CD151: variants seen among roughly 807,000 people sequenced by gnomAD.
CD151 encodes the protein CD151 molecule (Raph blood group).
In CD151, 20 loss-of-function variants were observed where a neutral mutation model predicts 34.2. The ratio of observed to expected loss-of-function variants is 0.58; its 90% CI spans 0.41 to 0.85. The LOEUF (loss-of-function observed/expected upper bound fraction) is 0.85, where lower values mean the gene tolerates loss of function less well. Among genes scored for constraint, CD151 ranks in the 40% least tolerant of loss-of-function variants. The probability of loss-of-function intolerance (pLI) is 0.00; values close to 1 mark genes in which losing one functional copy is unlikely to be tolerated. For synonymous variants in CD151, 157 were observed against 131.7 expected, an observed-to-expected ratio of 1.19 and a Z score of -1.32; for missense variants, 306 against 324.5, an observed-to-expected ratio of 0.94 and a Z score of 0.44.
intron 3 of CD151, 23 bp from the exon 4 acceptor site, chr11:836,228 T>G: frequency 7.1e-7 from 1 of 1,400,712 alleles, no homozygotes; most frequent in Non-Finnish European, 9.6e-7. Context: ...GCAGATGCGA[T>G]GACCTTTGTG....
intron 2 of CD151, 53 bp from the exon 3 acceptor site, chr11:836,010 C>G: frequency 9.2e-7 from 1 of 1,091,074 alleles, no homozygotes; most frequent in Non-Finnish European, 1.4e-6. Flanking sequence ...TATCCGTCTC[C>G]CAGTCAGGGG....
Position 837,369 on chromosome 11 carries a change from C to T in CD151, c.456+15C>T, listed in dbSNP as rs372967811. 13 of 1,611,012 alleles carry T rather than the reference C, an allele frequency of 8.1e-6. No individual in the cohort carries two copies. Among genetic ancestry groups the T allele is most frequent in the African/African-American group, 4.0e-5 (3 of 74,844 alleles). On this transcript the variant is annotated intron_variant, in intron 6 of 8. Coordinates refer to ENST00000397420, the MANE Select transcript of CD151 (RefSeq NM_004357.5). ...TGCAGCAGGAGGTGGGTGGGTGGTG[C>T]TGGGAGGGCGCGTGCATCCCCAGGG...
Position 837,453 on chromosome 11 carries a change from G to C in CD151, c.457-7G>C. 6.2e-7 allele frequency: 1 copy of C among 1,612,882 alleles called. No homozygotes were observed. The highest frequency in any genetic ancestry group is 2.2e-5 in the East Asian group (1 of 44,878). On this transcript the variant is annotated splice_region_variant and splice_polypyrimidine_tract_variant and intron_variant, in intron 6 of 8. Transcript: ENST00000397420. The stretch of plus-strand genomic sequence containing the variant: ...AGGTCTCAACCCCAGCCTTGTTCTT[G>C]ATGCAGTTCCACTGCTGTGGCAGCA...
Position 838,286 on chromosome 11 carries a change from C to A in CD151, c.*94C>A. 9.5e-7 allele frequency: 1 copy of A among 1,052,640 alleles called. No homozygotes were observed. Among genetic ancestry groups the A allele is most frequent in the Non-Finnish European group, 1.5e-6 (1 of 678,490 alleles). 65.2% of individuals were successfully genotyped at this position (1,052,640 alleles called of 1,614,324 possible). A position where few individuals can be genotyped will look rare whatever the true frequency, so the allele number is the denominator to read the frequency against. ...GCTCCCTGATGACACCCACCCTGTG[C>A]CATCACCATAACCTCTGGGGACCCC... On this transcript the variant is annotated 3_prime_UTR_variant, in exon 9 of 9. Transcript: ENST00000397420.
rs770737519 is a variant in CD151, at chr11:836,313, C to T, written c.147C>T (p.Ile49=). 1.2e-6 allele frequency: 2 copies of T among 1,612,742 alleles called. No homozygotes were observed. Among genetic ancestry groups the T allele is most frequent in the South Asian group, 1.1e-5 (1 of 91,086 alleles). The change falls in exon 4 of 9, where the codon ATC becomes ATT. Residue 49 remains isoleucine (I), a synonymous_variant. Transcript: ENST00000397420. The part of the protein sequence containing the change: ...IWTLALKSDY[I]SLLASGTYLA... ...CGCTGGCCCTCAAGAGTGACTACAT[C>T]AGCCTGCTGGCCTCAGGCACCTACC...
chr11:838,110 C>G (rs5030780), intron 8 of CD151, 23 bp from the exon 9 acceptor site: 1 of 1,611,644 alleles, frequency 6.2e-7, no homozygotes, highest in Non-Finnish European at 8.5e-7. Flanking sequence ...CGTCTGCTTA[C>G]GCCCACCCGG....
chr11:833,826 C>CCCCCCCCAT (rs1846648722), intron 1 of CD151, among the ~76,000 whole-genome samples: 2 of 41,566 alleles, frequency 4.8e-5, no homozygotes, highest in Non-Finnish European at 5.8e-5. Flanking sequence ...ACCCCGCCCC[C>CCCCCCCCAT]CGGTGGCAGA....
At chr11:833,434 G>A (rs549598583) in intron 1 of CD151, among the ~76,000 whole-genome samples, 49 of 152,212 alleles carry the variant, frequency 3.2e-4, no homozygotes, top group Non-Finnish European at 5.3e-4. Flanking sequence ...AAGTGGGCGC[G>A]CCATTGGCCG....
intron 2 of CD151, chr11:835,845 G>A (rs113096528): frequency 1.3e-4 from 66 of 491,296 alleles, no homozygotes; most frequent in Admixed American, 1.4e-4. Flanking sequence ...CCGCCACCAC[G>A]CCCGGCTAAT....
Position 836,151 on chromosome 11 carries a change from T to C in CD151, c.82T>C (p.Trp28Arg). 6.2e-7 allele frequency: 1 copy of C among 1,612,164 alleles called. No homozygotes were observed. The highest frequency in any genetic ancestry group is 8.5e-7 in the Non-Finnish European group (1 of 1,179,316). ...GCTGTTTACCTACAATTGCTGCTTCTGGGTGAGGAGGGGTCGCCTTGCCCC... is the reference window on the plus strand; with the variant it reads ...GCTGTTTACCTACAATTGCTGCTTCCGGGTGAGGAGGGGTCGCCTTGCCCC... ...YLLFTYNCCF[W>R]LAGLAVMAVG... The change falls in exon 3 of 9, where the codon TGG (tryptophan) becomes CGG (arginine). Residue 28 changes from tryptophan to arginine, a missense_variant and splice_region_variant. Transcript: ENST00000397420.
rs1452002732 is a variant in CD151 at position 836,929 on chromosome 11, A to C, written c.351+86A>C. The C allele has an allele frequency of 6.1e-6, 7 of 1,154,550 alleles. No individual in the cohort carries two copies. In the East Asian group the frequency reaches 1.2e-4, roughly 20 times the overall value. The allele number at this position is 1,154,550 out of a possible 1,614,324, so 71.5% of individuals were successfully genotyped here. A position where few individuals can be genotyped will look rare whatever the true frequency, so the allele number is the denominator to read the frequency against. ...CACATGCACACGCGTGGCTAGCCCC[A>C]ACCCCCACCCCCATGGTCCCAGAGC... On this transcript the variant is annotated intron_variant, in intron 5 of 8. Coordinates refer to ENST00000397420, the MANE Select transcript of CD151 (RefSeq NM_004357.5).
intron 2 of CD151, chr11:835,853 A>G (rs1846743676): frequency 8.1e-6 from 4 of 493,080 alleles, no homozygotes; most frequent in Non-Finnish European, 1.5e-5. Flanking sequence ...ACGCCCGGCT[A>G]ATTTTTTGTA....
intron 2 of CD151, chr11:834,966 G>A (rs549848576): frequency 3.9e-5 from 6 of 152,478 alleles, no homozygotes; most frequent in Non-Finnish European, 7.3e-5. Context: ...GCTGGGGCCT[G>A]TCTGAGCCCC....
At chr11:837,050 T>C (rs1285591013) in intron 5 of CD151, 200 bp from the exon 6 acceptor site, 2 of 654,954 alleles carry the variant, frequency 3.1e-6, no homozygotes, top group African/African-American at 3.6e-5. Context: ...AAGCTCTCTC[T>C]GCCTCTGCCG....
At chr11:833,401 C>G (rs559067792) in intron 1 of CD151, among the ~76,000 whole-genome samples, 1 of 152,306 alleles carries the variant, frequency 6.6e-6, no homozygotes, top group East Asian at 1.9e-4. Context: ...TCCCTCCGCC[C>G]GCAGCAGCCC....
rs34215390 is a variant in CD151, at chr11:837,257, C to T, written c.359C>T (p.Thr120Met). 5.9e-5 allele frequency: 95 copies of T among 1,612,674 alleles called. No individual in the cohort carries two copies. In the African/African-American group the frequency reaches 8.7e-4, roughly 15 times the overall value. The change falls in exon 6 of 9, where the codon ACG becomes ATG. Residue 120 changes from threonine (T) to methionine (M), a missense_variant. Physicochemically the swap from Thr to Met is moderately conservative, Grantham distance 81. Transcript: ENST00000397420. ...CCTGCACCCCAACCCCAGCTGAACACGGAGCTCAAGGAGAACCTGAAGGAC... is the reference window on the plus strand; with the variant it reads ...CCTGCACCCCAACCCCAGCTGAACATGGAGCTCAAGGAGAACCTGAAGGAC... Reference protein sequence around the residue: ...LAYAYYQQLNTELKENLKDTM... With the variant: ...LAYAYYQQLNMELKENLKDTM...
In CD151 at chr11:837,336, G is replaced by A. The variant is rs138746134; in HGVS notation, c.438G>A (p.Val146=). ...GCCATGAGGCTGTGACCAGCGCTGT[G>A]GACCAGCTGCAGCAGGAGGTGGGTG... ...QPGHEAVTSA[V]DQLQQEFHCC... is the part of the protein sequence containing the mutation. The change falls in exon 6 of 9, where the codon GTG becomes GTA. Residue 146 remains valine, a synonymous_variant. Transcript: ENST00000397420. 24 of 1,612,876 alleles carry A rather than the reference G, an allele frequency of 1.5e-5. No individual in the cohort carries two copies. The highest frequency in any genetic ancestry group is 3.3e-4 in the Middle Eastern group (2 of 6,062).
rs1202208554 is a variant in CD151, at chr11:836,381, T to C, written c.215T>C (p.Met72Thr). 1.9e-6 allele frequency: 3 copies of C among 1,612,492 alleles called. No homozygotes were observed. The highest frequency in any genetic ancestry group is 1.7e-6 in the Non-Finnish European group (2 of 1,179,930). ...CTGGTGGTGGCGGGCACTGTCGTCATGGTGACTGGGGTCTTGGGCTGCTGC... is the reference window on the plus strand; with the variant it reads ...CTGGTGGTGGCGGGCACTGTCGTCACGGTGACTGGGGTCTTGGGCTGCTGC... ...YILVVAGTVV[M>T]VTGVLGCCAT... The change falls in exon 4 of 9, where the codon ATG (methionine) becomes ACG (threonine). Residue 72 changes from methionine to threonine, a missense_variant. Met to Thr is a moderately conservative substitution (Grantham distance 81, BLOSUM62 -1). Transcript: ENST00000397420.
rs1006595615 is a variant in CD151, at chr11:836,825, C to T, written c.333C>T (p.Ala111=). ...FLLEIIAGIL[A]YAYYQQLNTE... The stretch of plus-strand genomic sequence containing the variant: ...TGGAGATCATCGCTGGTATCCTCGC[C>T]TACGCCTACTACCAGCAGGTGAGGG... The change falls in exon 5 of 9, where the codon GCC becomes GCT. Residue 111 remains alanine, a synonymous_variant. Coordinates refer to ENST00000397420, the MANE Select transcript of CD151 (RefSeq NM_004357.5). 6.2e-7 allele frequency: 1 copy of T among 1,612,732 alleles called. No homozygotes were observed. The highest frequency in any genetic ancestry group is 1.3e-5 in the African/African-American group (1 of 75,038).
Sources: gnomAD v4.1 joint callset for allele counts (sites outside exome capture counted in the v4.1 genomes callset) on GRCh38, gnomAD v4.1.1 for gene constraint, MANE v1.5 for transcripts, NCBI Gene and HGNC (gene_info 2026-07-23, HGNC 2026-07-21) for gene names.